Variants in DGAT2L6 observed in about 807,000 individuals in gnomAD.
DGAT2L6 encodes the protein diacylglycerol O-acyltransferase 2-like protein 6.
DGAT2L6 carries 22 observed loss-of-function variants against 25.5 expected under a neutral mutation model. The ratio of observed to expected loss-of-function variants is 0.86; its 90% CI spans 0.62 to 1.23. DGAT2L6 has a LOEUF of 1.23. Among genes scored for constraint, DGAT2L6 ranks in the 50% most tolerant of loss-of-function variants. The pLI, the probability that DGAT2L6 is intolerant of heterozygous loss-of-function variation, is 0.00. For synonymous variants in DGAT2L6, 100 were observed against 94.7 expected (o/e 1.06, Z -0.32); for missense variants, 287 against 253.2 (o/e 1.13, Z -0.91).
rs866607542 is a variant in DGAT2L6 at position 70,205,634 on chromosome X, G to C, written c.*528G>C. On this transcript the variant is annotated 3_prime_UTR_variant, in exon 7 of 7. Transcript: ENST00000333026. ...AGACAGGATTCCGTCAGTTGTGATAGAGTTCTAGATTGGCAATGCAGTTAC... is the reference window on the plus strand; with the variant it reads ...AGACAGGATTCCGTCAGTTGTGATACAGTTCTAGATTGGCAATGCAGTTAC... 6 of 112,371 alleles carry C rather than the reference G, an allele frequency of 5.3e-5. No homozygotes were observed. The highest frequency in any genetic ancestry group is 1.9e-4 in the African/African-American group (6 of 30,808). The allele number at this position is 112,371 out of a possible 1,213,427, so 9.3% of individuals were successfully genotyped here. A position where few individuals can be genotyped will look rare whatever the true frequency, so the allele number is the denominator to read the frequency against.
At chrX:70,183,699 T>C (rs2085350827) in intron 1 of DGAT2L6, among the ~76,000 whole-genome samples, 1 of 111,548 alleles carries the variant, frequency 9.0e-6, no homozygotes, top group Admixed American at 9.5e-5. Flanking sequence ...TTTTTGGGTG[T>C]GTGGGCCTGC....
chrX:70,181,688 C>T (rs2085343680), intron 1 of DGAT2L6, among the ~76,000 whole-genome samples: 1 of 111,922 alleles, frequency 8.9e-6, no homozygotes, highest in Admixed American at 9.5e-5. Context: ...TGTGCCAGTG[C>T]TGGACATATA....
chrX:70,199,725 G>A, intron 2 of DGAT2L6, 87 bp from the exon 3 acceptor site: 1 of 930,293 alleles, frequency 1.1e-6, no homozygotes, highest in Non-Finnish European at 1.5e-6. Flanking sequence ...CGTGACCTGA[G>A]GACTGCAGGC....
At chrX:70,189,912 A>C (rs1336101502) in intron 1 of DGAT2L6, among the ~76,000 whole-genome samples, 1 of 112,242 alleles carries the variant, frequency 8.9e-6, no homozygotes, top group Non-Finnish European at 1.9e-5. Flanking sequence ...ACCTCCATCA[A>C]GAGTTTTTGT....
intron 5 of DGAT2L6, 31 bp downstream of exon 5, chrX:70,202,095 C>A: frequency 8.8e-7 from 1 of 1,133,504 alleles, no homozygotes; most frequent in Admixed American, 2.9e-5. Flanking sequence ...GCTCTGTTGT[C>A]AGGGTGCCAT....
rs754878533 is a variant in DGAT2L6, at chrX:70,205,063, T to C, written c.971T>C (p.Val324Ala). The C allele has an allele frequency of 8.3e-7, 1 of 1,204,211 alleles. No individual in the cohort carries two copies. Among genetic ancestry groups the C allele is most frequent in the African/African-American group, 1.7e-5 (1 of 57,445 alleles). ...CGCAAGCTCTTTGACCAACACAAAGTTGAATATGGCCTCCCTGAGACCCAA... is the reference window on the plus strand; with the variant it reads ...CGCAAGCTCTTTGACCAACACAAAGCTGAATATGGCCTCCCTGAGACCCAA... ...ALRKLFDQHKVEYGLPETQEL... is the reference protein window; with the variant it reads ...ALRKLFDQHKAEYGLPETQEL... Residue 324 changes from valine (V) to alanine (A), a missense_variant, in exon 7 of 7, where the codon GTT (valine) becomes GCT (alanine). Transcript: ENST00000333026.
intron 1 of DGAT2L6, among the ~76,000 whole-genome samples, chrX:70,184,098 A>G (rs1189671737): frequency 9.0e-6 from 1 of 111,521 alleles, no homozygotes; most frequent in East Asian, 2.8e-4. Context: ...CTTACTTGCT[A>G]TGAGACCTTA....
chrX:70,179,169 A>C (rs186978772), intron 1 of DGAT2L6, among the ~76,000 whole-genome samples: 2 of 112,469 alleles, frequency 1.8e-5, no homozygotes, highest in Non-Finnish European at 3.7e-5. Flanking sequence ...CTCAAAATGC[A>C]GACTTATTAA....
At chrX:70,187,300 G>A (rs1284719941) in intron 1 of DGAT2L6, among the ~76,000 whole-genome samples, 1 of 110,916 alleles carries the variant, frequency 9.0e-6, no homozygotes, top group East Asian at 2.8e-4. Flanking sequence ...CAGACACAGA[G>A]CTGAAGAGAG....
At position 70,204,445 on chromosome X, in the gene DGAT2L6, C is replaced by T. The variant is rs750723806; in HGVS notation, c.788C>T (p.Thr263Ile). Residue 263 changes from threonine (T) to isoleucine (I), a missense_variant, in exon 6 of 7, where the codon ACC (threonine) becomes ATC (isoleucine). Thr to Ile is a moderately conservative substitution (Grantham distance 89). Coordinates refer to ENST00000333026, the MANE Select transcript of DGAT2L6 (RefSeq NM_198512.3). Reference sequence around the variant, plus strand: ...AAAATCCTGGGACTAAATTTCTGTACCTTCCATGGCCGGGGCTTCACTCGC... The same window carrying T: ...AAAATCCTGGGACTAAATTTCTGTATCTTCCATGGCCGGGGCTTCACTCGC... ...FKKILGLNFC[T>I]FHGRGFTRGS... is the part of the protein sequence containing the mutation. The T allele has an allele frequency of 1.7e-6, 2 of 1,209,779 alleles. No individual in the cohort carries two copies. The highest frequency in any genetic ancestry group is 3.0e-5 in the East Asian group (1 of 33,757).
chrX:70,199,359 T>C lies in DGAT2L6; in HGVS notation c.174T>C (p.Tyr58=), dbSNP rs150960362. The change falls in exon 2 of 7, where the codon TAT becomes TAC. Residue 58 remains tyrosine, a synonymous_variant. Transcript: ENST00000333026. Reference sequence around the variant, plus strand: ...TGCTCTCCTTAGCCTGGCTCACCTATGATTGGAACACCCACAGTCAAGGTA... The same window carrying C: ...TGCTCTCCTTAGCCTGGCTCACCTACGATTGGAACACCCACAGTCAAGGTA... The part of the protein sequence containing the change: ...LAVLSLAWLT[Y]DWNTHSQGGR... The C allele has an allele frequency of 4.5e-5, 53 of 1,185,809 alleles. No homozygotes were observed. The African/African-American group carries it at 6.5e-4, about 15-fold the overall frequency.
intron 1 of DGAT2L6, among the ~76,000 whole-genome samples, chrX:70,183,984 G>T (rs1440963249): frequency 1.8e-5 from 2 of 111,431 alleles, no homozygotes; most frequent in African/African-American, 3.3e-5. Flanking sequence ...AGGTTAGAGT[G>T]AGTTGTGATC....
intron 1 of DGAT2L6, among the ~76,000 whole-genome samples, chrX:70,192,301 T>A (rs1445443978): frequency 9.0e-6 from 1 of 111,654 alleles, no homozygotes; most frequent in Non-Finnish European, 1.9e-5. Context: ...ATAAAGGATT[T>A]CATCACGACT....
At chrX:70,196,503 G>GAAAAAAAAAAAAAAAAAAAAA (rs1164024384) in intron 1 of DGAT2L6, among the ~76,000 whole-genome samples, 30 of 70,542 alleles carry the variant, frequency 4.3e-4, no homozygotes, top group Non-Finnish European at 7.3e-4. Flanking sequence ...AAAAAAAAAA[G>GAAAAAAAAAAAAAAAAAAAAA]AAAGAAAAAA....
intron 1 of DGAT2L6, among the ~76,000 whole-genome samples, chrX:70,195,374 AC>A (rs2085387718): frequency 9.0e-6 from 1 of 110,544 alleles, no homozygotes; most frequent in South Asian, 3.8e-4. Flanking sequence ...AAATATCTGC[AC>A]CCCCATGTTC....
intron 5 of DGAT2L6, among the ~76,000 whole-genome samples, chrX:70,202,455 C>G (rs2085414110): frequency 8.9e-6 from 1 of 111,770 alleles, no homozygotes; most frequent in South Asian, 3.7e-4. Flanking sequence ...CCCCAAAGAG[C>G]ATACAATCTG....
intron 1 of DGAT2L6, among the ~76,000 whole-genome samples, chrX:70,182,190 G>A (rs758314401): frequency 6.2e-4 from 69 of 111,270 alleles, no homozygotes; most frequent in Admixed American, 4.3e-3. Flanking sequence ...AAAGGCAGAG[G>A]GACAAGAAGG....
At chrX:70,193,269 T>C (rs2085380758) in intron 1 of DGAT2L6, among the ~76,000 whole-genome samples, 1 of 107,649 alleles carries the variant, frequency 9.3e-6, no homozygotes, top group Non-Finnish European at 1.9e-5. Flanking sequence ...GATCGCGCCA[T>C]TGCACTCCAG....
Position 70,200,496 on chromosome X carries a change from T to C in DGAT2L6, c.472+37T>C, listed in dbSNP as rs377265221. ...AAATAATTAATTCTATTTTTTTACC[T>C]ACTTCAAAGGTGCAACCCCAATAAG... On this transcript the variant is annotated intron_variant, in intron 4 of 6. Coordinates refer to ENST00000333026, the MANE Select transcript of DGAT2L6 (RefSeq NM_198512.3). The C allele has an allele frequency of 2.6e-6, 3 of 1,149,096 alleles. No homozygotes were observed. In the African/African-American group the frequency reaches 5.4e-5, roughly 21 times the overall value. 94.7% of individuals were successfully genotyped at this position (1,149,096 alleles called of 1,213,427 possible). A position where few individuals can be genotyped will look rare whatever the true frequency, so the allele number is the denominator to read the frequency against.
Sources: allele counts gnomAD v4.1 joint callset (sites outside exome capture counted in the v4.1 genomes callset), GRCh38; gene constraint gnomAD v4.1.1; transcripts MANE v1.5; gene names NCBI Gene and HGNC (gene_info 2026-07-23, HGNC 2026-07-21).